The following TMEM120B variants were observed in gnomAD, a reference collection of about 807,000 sequenced individuals.
The protein encoded by TMEM120B is transmembrane protein 120B.
A neutral mutation model predicts 55.5 loss-of-function variants in TMEM120B; 31 were observed. The ratio of observed to expected loss-of-function variants is 0.56; its 90% CI spans 0.42 to 0.75. The LOEUF (loss-of-function observed/expected upper bound fraction) is 0.75. TMEM120B is among the 30% of genes least tolerant of loss of function. The pLI, the probability that TMEM120B is intolerant of heterozygous loss-of-function variation, is 0.00. For missense variants in TMEM120B, 399 were observed against 425.5 expected (o/e 0.94, Z 0.55); for synonymous variants, 203 against 176.3 (o/e 1.15, Z -1.20).
Position 121,775,460 on chromosome 12 carries a change from C to G in TMEM120B, c.907-149C>G, listed in dbSNP as rs551918332. The stretch of plus-strand genomic sequence containing the variant: ...GCCCAAGCCTGAGGCCTCACCCTTC[C>G]CCCAGGTCTCCTGAATCTCTGCCTT... On this transcript the variant is annotated intron_variant, in intron 11 of 11. Coordinates refer to ENST00000449592, the MANE Select transcript of TMEM120B (RefSeq NM_001080825.2). This position sits in a 1 kb window ranked among gnomAD's most constrained non-coding sequence, Gnocchi z 4.3. 1 of 1,442,196 alleles carries G rather than the reference C, an allele frequency of 6.9e-7. No individual in the cohort carries two copies. The allele number at this position is 1,442,196 out of a possible 1,614,324, so 89.3% of individuals were successfully genotyped here.
intron 6 of TMEM120B, among the ~76,000 whole-genome samples, chr12:121,766,768 G>A (rs1873864102): frequency 6.6e-6 from 1 of 152,222 alleles, no homozygotes. Flanking sequence ...GATGGGCTGT[G>A]ATCAGCAACT....
Position 121,752,143 on chromosome 12 carries a change from C to T in TMEM120B, c.381C>T (p.Asp127=), listed in dbSNP as rs751427238. Residue 127 remains aspartate, a synonymous_variant, in exon 5 of 12, where the codon GAC becomes GAT. Transcript: ENST00000449592. ...LSNQAKFAYK[D]EYEKFKLYLT... ...GTCGTGGCAGGTTCGCCTACAAGGA[C>T]GAATATGAGAAGTTCAAGCTCTACC... 1.7e-5 allele frequency: 28 copies of T among 1,613,236 alleles called. No individual in the cohort carries two copies. Among genetic ancestry groups the T allele is most frequent in the East Asian group, 4.5e-5 (2 of 44,894 alleles).
rs191787502 is a variant in TMEM120B at position 121,723,267 on chromosome 12, A to G, written c.69+10303A>G. On this transcript the variant is annotated intron_variant, in intron 1 of 11. Coordinates refer to ENST00000449592, the MANE Select transcript of TMEM120B (RefSeq NM_001080825.2). Reference sequence around the variant, plus strand: ...ACTGCAGCCTTGAACTCCTAGGCTCAAGCTATCTTCCCACCTCAGCCTCCT... The same window carrying G: ...ACTGCAGCCTTGAACTCCTAGGCTCGAGCTATCTTCCCACCTCAGCCTCCT... 3.9e-5 allele frequency among the ~76,000 whole-genome samples: 6 copies of G among 152,246 alleles called. No individual in the cohort carries two copies. In the East Asian group the frequency reaches 1.2e-3, roughly 29 times the overall value.
chr12:121,723,799 T>C (rs1894840175), intron 1 of TMEM120B, among the ~76,000 whole-genome samples: 1 of 152,026 alleles, frequency 6.6e-6, no homozygotes, highest in Non-Finnish European at 1.5e-5. Context: ...TGTGTACTAT[T>C]CCTTCTTTTC....
intron 6 of TMEM120B, among the ~76,000 whole-genome samples, chr12:121,767,101 A>C (rs147371909): frequency 2.0e-5 from 3 of 151,776 alleles, no homozygotes; most frequent in Non-Finnish European, 4.4e-5. Context: ...CCATTGATGC[A>C]CCTGCTCCTC....
At chr12:121,713,615 G>T (rs897178099) in intron 1 of TMEM120B, among the ~76,000 whole-genome samples, 1 of 152,180 alleles carries the variant, frequency 6.6e-6, no homozygotes, top group Non-Finnish European at 1.5e-5. Context: ...CTGGCCCGGA[G>T]CCTTACACGG....
chr12:121,773,552 T>A (rs1592950794), intron 9 of TMEM120B, 39 bp downstream of exon 9: 6 of 1,474,268 alleles, frequency 4.1e-6, no homozygotes, highest in Non-Finnish European at 5.5e-6. Context: ...GGGCAGGTAC[T>A]GGACCTGCCA....
In TMEM120B at chr12:121,780,975, C is replaced by T. The variant is rs750371812; in HGVS notation, c.*5253C>T. Reference sequence around the variant, plus strand: ...GCAGCCGATGAGCACCATGGGGATCCCGCGGCAGAAATGCGTGACCTCAGG... The same window carrying T: ...GCAGCCGATGAGCACCATGGGGATCTCGCGGCAGAAATGCGTGACCTCAGG... On this transcript the variant is annotated 3_prime_UTR_variant, in exon 12 of 12. Coordinates refer to ENST00000449592, the MANE Select transcript of TMEM120B (RefSeq NM_001080825.2). 1 of 1,613,838 alleles carries T rather than the reference C, an allele frequency of 6.2e-7. No individual in the cohort carries two copies. Among genetic ancestry groups the T allele is most frequent in the Non-Finnish European group, 8.5e-7 (1 of 1,179,920 alleles).
At chr12:121,742,466 G>C (rs1264888032) in intron 1 of TMEM120B, among the ~76,000 whole-genome samples, 3 of 152,128 alleles carry the variant, frequency 2.0e-5, no homozygotes, top group African/African-American at 7.2e-5. Context: ...ATGTTTGTTG[G>C]CTTATCGTTG....
At chr12:121,756,013 T>A (rs901618595) in intron 5 of TMEM120B, among the ~76,000 whole-genome samples, 8 of 152,120 alleles carry the variant, frequency 5.3e-5, no homozygotes, top group Non-Finnish European at 2.9e-5. Context: ...GTGCACCTGC[T>A]TTAGGAACCA....
rs770001644 is a variant in TMEM120B at position 121,775,728 on chromosome 12, G to A, written c.*6G>A. On this transcript the variant is annotated 3_prime_UTR_variant, in exon 12 of 12. Coordinates refer to ENST00000449592, the MANE Select transcript of TMEM120B (RefSeq NM_001080825.2). The surrounding 1 kb of genome is among the most constrained non-coding windows in gnomAD (Gnocchi z 4.3). ...GCAAGACAAAGCAGCCGTGAGCCTC[G>A]GGCTCCTGTGCCCTCGGCCCGGACT... 1.9e-5 allele frequency: 30 copies of A among 1,613,502 alleles called. No homozygotes were observed. The highest frequency in any genetic ancestry group is 2.2e-5 in the South Asian group (2 of 91,086).
At chr12:121,773,951 C>CTTTTT (rs560321014) in intron 9 of TMEM120B, among the ~76,000 whole-genome samples, 60 of 96,608 alleles carry the variant, frequency 6.2e-4, no homozygotes, top group Non-Finnish European at 9.3e-4. Context: ...ACTCTGCTAT[C>CTTTTT]TTTTTTTTTT....
chr12:121,720,853 A>G (rs1410192539), intron 1 of TMEM120B, among the ~76,000 whole-genome samples: 3 of 152,212 alleles, frequency 2.0e-5, no homozygotes, highest in Non-Finnish European at 4.4e-5. Context: ...CTGGGCCAGA[A>G]CCATGTCTGT....
At chr12:121,732,672 C>T (rs1221316015) in intron 1 of TMEM120B, among the ~76,000 whole-genome samples, 1 of 152,000 alleles carries the variant, frequency 6.6e-6, no homozygotes, top group Non-Finnish European at 1.5e-5. Flanking sequence ...GGGCAGTTTG[C>T]CAAAACTTAC....
intron 1 of TMEM120B, among the ~76,000 whole-genome samples, chr12:121,742,524 G>A (rs893018172): frequency 5.9e-5 from 9 of 152,138 alleles, no homozygotes; most frequent in African/African-American, 2.2e-4. Flanking sequence ...TGTTGACCTT[G>A]TCTGTATCAT....
At chr12:121,758,737 A>G in intron 5 of TMEM120B, 1 of 978,000 alleles carries the variant, frequency 1.0e-6, no homozygotes, top group African/African-American at 1.8e-5. Flanking sequence ...CGCTGTGGTC[A>G]CCATGGAGGA....
At chr12:121,749,720 A>G (rs992087357) in intron 3 of TMEM120B, among the ~76,000 whole-genome samples, 2 of 152,122 alleles carry the variant, frequency 1.3e-5, no homozygotes, top group African/African-American at 2.4e-5. Context: ...AGCCTGGCCA[A>G]CATGGTGAAA....
intron 5 of TMEM120B, among the ~76,000 whole-genome samples, chr12:121,757,213 G>A (rs1873505182): frequency 6.6e-6 from 1 of 151,872 alleles, no homozygotes; most frequent in Non-Finnish European, 1.5e-5. Flanking sequence ...CCAGGCTGGA[G>A]TACAGTGGTG....
Position 121,771,515 on chromosome 12 carries a change from T to G in TMEM120B, c.645T>G (p.Phe215Leu). 1 of 1,614,176 alleles carries G rather than the reference T, an allele frequency of 6.2e-7. No individual in the cohort carries two copies. Among genetic ancestry groups the G allele is most frequent in the Non-Finnish European group, 8.5e-7 (1 of 1,180,030 alleles). ...TWPNGPIYQK[F>L]RNQFLAFSIF... is the part of the protein sequence containing the mutation. The stretch of plus-strand genomic sequence containing the variant: ...CTAATGGACCCATTTATCAGAAGTT[T>G]CGCAACCAGTTCTTAGCATTTTCCA... The change falls in exon 8 of 12, where the codon TTT (phenylalanine) becomes TTG (leucine). Residue 215 changes from phenylalanine to leucine, a missense_variant. Transcript: ENST00000449592.
Sources: gnomAD v4.1 joint callset for allele counts (sites outside exome capture counted in the v4.1 genomes callset) on GRCh38, gnomAD v4.1.1 for gene constraint, Gnocchi (gnomAD v3.1) non-coding constraint, MANE v1.5 for transcripts, NCBI Gene and HGNC (gene_info 2026-07-23, HGNC 2026-07-21) for gene names.